CFAP77: variants seen among roughly 807,000 people sequenced by gnomAD.
CFAP77 encodes the protein cilia and flagella associated protein 77.
A neutral mutation model predicts 31.1 loss-of-function variants in CFAP77; 25 were observed. The ratio of observed to expected loss-of-function variants is 0.80; its 90% CI spans 0.59 to 1.12. The LOEUF (loss-of-function observed/expected upper bound fraction) is 1.12. Ranked by LOEUF, CFAP77 falls within the 50% of genes most tolerant of loss-of-function variation. The pLI, the probability that CFAP77 is intolerant of heterozygous loss-of-function variation, is 0.00. For synonymous variants in CFAP77, 151 were observed against 159.9 expected (o/e 0.94, Z 0.42); for missense variants, 377 against 397.3 (o/e 0.95, Z 0.44).
At chr9:132,532,968 A>G (rs1305173439) in intron 3 of CFAP77, among the ~76,000 whole-genome samples, 2 of 152,216 alleles carry the variant, frequency 1.3e-5, no homozygotes, top group African/African-American at 2.4e-5. Flanking sequence ...ATATCAGATA[A>G]AAGCTGTGGA....
At chr9:132,518,952 G>A (rs896826647) in intron 3 of CFAP77, among the ~76,000 whole-genome samples, 11 of 152,160 alleles carry the variant, frequency 7.2e-5, no homozygotes, top group East Asian at 1.9e-4. Flanking sequence ...AGACAGTGGC[G>A]TTCCCTGGGC....
At chr9:132,418,378 A>G (rs955528822) in intron 1 of CFAP77, among the ~76,000 whole-genome samples, 2 of 152,238 alleles carry the variant, frequency 1.3e-5, no homozygotes, top group African/African-American at 2.4e-5. Context: ...CAATAGTGCC[A>G]AGGCTGAGAA....
chr9:132,486,917 A>G (rs1851570786), intron 1 of CFAP77, among the ~76,000 whole-genome samples: 1 of 152,270 alleles, frequency 6.6e-6, no homozygotes, highest in African/African-American at 2.4e-5. Flanking sequence ...ATCAGCCGCC[A>G]GAACAGAGCA....
chr9:132,450,252 T>G, intron 1 of CFAP77, among the ~76,000 whole-genome samples: 1 of 146,392 alleles, frequency 6.8e-6, no homozygotes. Context: ...TGTAGGCAAA[T>G]GAGGTAGGGA....
intron 1 of CFAP77, among the ~76,000 whole-genome samples, chr9:132,452,180 G>T (rs986965655): frequency 6.6e-6 from 1 of 152,192 alleles, no homozygotes; most frequent in African/African-American, 2.4e-5. Context: ...GCTGTCTGCA[G>T]GGTGGGTCAC....
intron 5 of CFAP77, among the ~76,000 whole-genome samples, chr9:132,571,027 C>G (rs748686957): frequency 1.1e-4 from 16 of 152,138 alleles, no homozygotes; most frequent in African/African-American, 1.9e-4. Context: ...CCCTCTACCC[C>G]CTTTTAATAT....
chr9:132,437,766 C>T lies in CFAP77; in HGVS notation c.195+27300C>T, dbSNP rs184369681. Among the ~76,000 whole-genome samples, 141 of 151,476 alleles carry T rather than the reference C, an allele frequency of 9.3e-4. 3 individuals are homozygous for T. The East Asian group carries it at 0.026, about 28-fold the overall frequency. ...GACTTCGTGATCTGCCCGTCTTGGG[C>T]TCCCAAAGTGCTGGGATTACAGGTG... On this transcript the variant is annotated intron_variant, in intron 1 of 5. Coordinates refer to ENST00000393216, the MANE Select transcript of CFAP77 (RefSeq NM_001282957.2).
chr9:132,482,269 A>T (rs751745629), intron 1 of CFAP77: 13 of 1,479,702 alleles, frequency 8.8e-6, no homozygotes, highest in Non-Finnish European at 1.1e-5. Flanking sequence ...TGACAGCTAA[A>T]CTGACCAAAT....
intron 1 of CFAP77, among the ~76,000 whole-genome samples, chr9:132,479,359 A>G (rs1055054407): frequency 1.5e-4 from 23 of 152,076 alleles, no homozygotes; most frequent in South Asian, 6.2e-4. Context: ...TCATCCTACC[A>G]TCGTGCATCC....
At chr9:132,505,991 T>G (rs1851925158) in intron 3 of CFAP77, among the ~76,000 whole-genome samples, 1 of 152,196 alleles carries the variant, frequency 6.6e-6, no homozygotes, top group South Asian at 2.1e-4. Context: ...TTGCTAACCC[T>G]TATGTCCTTC....
At position 132,552,110 on chromosome 9, in the gene CFAP77, C is replaced by T. The variant is rs572876086; in HGVS notation, c.732+9063C>T. Among the ~76,000 whole-genome samples, 20 of 152,350 alleles carry T rather than the reference C, an allele frequency of 1.3e-4. No individual in the cohort carries two copies. The highest frequency in any genetic ancestry group is 4.8e-4 in the African/African-American group (20 of 41,586). On this transcript the variant is annotated intron_variant, in intron 5 of 5. Coordinates refer to ENST00000393216, the MANE Select transcript of CFAP77 (RefSeq NM_001282957.2). The surrounding 1 kb of genome is among the most constrained non-coding windows in gnomAD (Gnocchi z 5.5). ...CTGCGTTAAAAGTGGGAGGCTGAGG[C>T]TGAGTCCAGCAGGAGGGCTGGGTCT...
At chr9:132,485,626 G>A (rs886226449) in intron 1 of CFAP77, among the ~76,000 whole-genome samples, 11 of 152,278 alleles carry the variant, frequency 7.2e-5, no homozygotes, top group African/African-American at 2.2e-4. Context: ...GGAGCTGGCC[G>A]GCAGGTGGCT....
At chr9:132,442,256 A>G (rs747173916) in intron 1 of CFAP77, among the ~76,000 whole-genome samples, 1 of 152,184 alleles carries the variant, frequency 6.6e-6, no homozygotes, top group South Asian at 2.1e-4. Flanking sequence ...AATTTATTCA[A>G]TAAGAAAAAA....
At chr9:132,516,590 T>TACAC (rs34683089) in intron 3 of CFAP77, among the ~76,000 whole-genome samples, 22,330 of 144,830 alleles carry the variant, frequency 0.15, 1,786 homozygotes, top group Admixed American at 0.19. Context: ...CACACAGAAA[T>TACAC]ACACACACAC....
At chr9:132,438,189 G>A (rs1271092312) in intron 1 of CFAP77, among the ~76,000 whole-genome samples, 2 of 119,222 alleles carry the variant, frequency 1.7e-5, no homozygotes, top group Non-Finnish European at 3.2e-5. Flanking sequence ...GAGACAGAGC[G>A]AGACGCCATC....
At chr9:132,444,207 T>G (rs536169340) in intron 1 of CFAP77, among the ~76,000 whole-genome samples, 3 of 152,344 alleles carry the variant, frequency 2.0e-5, no homozygotes, top group African/African-American at 7.2e-5. Context: ...CCCTGGGCAT[T>G]AGCAGCAGCA....
chr9:132,414,188 A>T (rs948361796), intron 1 of CFAP77, among the ~76,000 whole-genome samples: 4 of 152,238 alleles, frequency 2.6e-5, no homozygotes, highest in Non-Finnish European at 5.9e-5. Flanking sequence ...ATCAGATCCC[A>T]ATATCATTTC....
At position 132,518,719 on chromosome 9, in the gene CFAP77, C is replaced by T. The variant is rs546558719; in HGVS notation, c.525-18882C>T. Among the ~76,000 whole-genome samples the T allele has an allele frequency of 1.4e-4, 22 of 152,292 alleles. No homozygotes were observed. In the South Asian group the frequency reaches 4.1e-3, roughly 29 times the overall value. ...GTTCCCTGTCTGGAGCTCTCCTGCCCGGCCACCTTCCACCCATCCCCAGAG... is the reference window on the plus strand; with the variant it reads ...GTTCCCTGTCTGGAGCTCTCCTGCCTGGCCACCTTCCACCCATCCCCAGAG... On this transcript the variant is annotated intron_variant, in intron 3 of 5. Coordinates refer to ENST00000393216, the MANE Select transcript of CFAP77 (RefSeq NM_001282957.2).
chr9:132,425,597 G>A (rs147931312), intron 1 of CFAP77, among the ~76,000 whole-genome samples: 1 of 152,214 alleles, frequency 6.6e-6, no homozygotes, highest in East Asian at 1.9e-4. Flanking sequence ...CCCCGAAATT[G>A]CAGTTTTAGG....
Sources: allele counts gnomAD v4.1 joint callset (sites outside exome capture counted in the v4.1 genomes callset), GRCh38; gene constraint gnomAD v4.1.1; non-coding constraint Gnocchi (gnomAD v3.1); transcripts MANE v1.5; gene names NCBI Gene and HGNC (gene_info 2026-07-23, HGNC 2026-07-21).